The following COL25A1 variants were observed in gnomAD, a reference collection of about 807,000 sequenced individuals.
COL25A1 encodes collagen alpha-1(XXV) chain.
In COL25A1, 103 loss-of-function variants were observed where a neutral mutation model predicts 128.4. The observed-to-expected ratio is 0.80, with a 90% CI of 0.68 to 0.94. The LOEUF is 0.94. Among genes scored for constraint, COL25A1 ranks in the 40% least tolerant of loss-of-function variants. The pLI is 0.00. For missense variants in COL25A1, 745 were observed against 840.0 expected (o/e 0.89, Z 1.40); for synonymous variants, 279 against 277.2 (o/e 1.01, Z -0.06).
intron 31 of COL25A1, among the ~76,000 whole-genome samples, chr4:108,836,800 C>T (rs898334727): frequency 3.3e-5 from 5 of 152,126 alleles, no homozygotes; most frequent in African/African-American, 9.7e-5. Flanking sequence ...ATATTCTAGG[C>T]TGGGCTGGTG....
intron 37 of COL25A1, among the ~76,000 whole-genome samples, chr4:108,816,564 G>A (rs548308626): frequency 6.6e-6 from 1 of 152,190 alleles, no homozygotes; most frequent in East Asian, 1.9e-4. Flanking sequence ...GATATTCTCT[G>A]AATAGCACAG....
chr4:108,846,565 A>C (rs1012440447), intron 27 of COL25A1, among the ~76,000 whole-genome samples: 2 of 152,180 alleles, frequency 1.3e-5, no homozygotes, highest in African/African-American at 4.8e-5. Flanking sequence ...TCTCAACAAT[A>C]CAGGATGTAT....
At chr4:108,925,997 A>G (rs1202577371) in intron 11 of COL25A1, among the ~76,000 whole-genome samples, 1 of 152,236 alleles carries the variant, frequency 6.6e-6, no homozygotes, top group Non-Finnish European at 1.5e-5. Context: ...GTAGGCTGTT[A>G]AGAAAAGAAT....
chr4:109,188,756 T>G (rs1191651477), intron 3 of COL25A1, among the ~76,000 whole-genome samples: 1 of 151,960 alleles, frequency 6.6e-6, no homozygotes, highest in East Asian at 1.9e-4. Context: ...ATCAGAAGAA[T>G]GAGGAAACAT....
intron 26 of COL25A1, among the ~76,000 whole-genome samples, chr4:108,850,848 T>G (rs1735683302): frequency 1.3e-5 from 2 of 152,128 alleles, no homozygotes. Context: ...TAGGTTTTAG[T>G]GATACAGATT....
At chr4:109,287,223 T>C (rs1172141784) in intron 3 of COL25A1, among the ~76,000 whole-genome samples, 2 of 152,218 alleles carry the variant, frequency 1.3e-5, no homozygotes, top group Non-Finnish European at 2.9e-5. Flanking sequence ...ATTAATTCTA[T>C]TGCAGTCTTC....
chr4:108,989,093 G>A (rs1333673522), intron 6 of COL25A1, among the ~76,000 whole-genome samples: 1 of 152,164 alleles, frequency 6.6e-6, no homozygotes, highest in East Asian at 1.9e-4. Context: ...ACAAAGACTT[G>A]GTAGTTTTCT....
At chr4:108,914,453 G>C (rs1448564538) in intron 13 of COL25A1, among the ~76,000 whole-genome samples, 1 of 152,066 alleles carries the variant, frequency 6.6e-6, no homozygotes, top group Non-Finnish European at 1.5e-5. Flanking sequence ...TCTCTTTCTT[G>C]TATCTATAGC....
At chr4:109,250,140 A>G (rs1780549973) in intron 3 of COL25A1, among the ~76,000 whole-genome samples, 1 of 152,154 alleles carries the variant, frequency 6.6e-6, no homozygotes, top group Non-Finnish European at 1.5e-5. Context: ...CTGGGGTAAC[A>G]AATTTAAACT....
At chr4:109,176,925 C>T (rs994770755) in intron 3 of COL25A1, among the ~76,000 whole-genome samples, 4 of 152,140 alleles carry the variant, frequency 2.6e-5, no homozygotes, top group Non-Finnish European at 5.9e-5. Context: ...TCAGAAGGAA[C>T]ATGGTGCTGC....
intron 13 of COL25A1, among the ~76,000 whole-genome samples, chr4:108,905,111 C>T (rs755623846): frequency 2.0e-5 from 3 of 152,032 alleles, no homozygotes; most frequent in Non-Finnish European, 2.9e-5. Context: ...ACTTCAATCA[C>T]GATAGTCTTC....
At chr4:109,251,015 T>C (rs1171992355) in intron 3 of COL25A1, among the ~76,000 whole-genome samples, 1 of 152,234 alleles carries the variant, frequency 6.6e-6, no homozygotes, top group African/African-American at 2.4e-5. Flanking sequence ...TATGTTTATA[T>C]CTTTTTCTTG....
At chr4:109,008,491 A>G (rs1648016) in intron 6 of COL25A1, among the ~76,000 whole-genome samples, 77,705 of 152,032 alleles carry the variant, frequency 0.51, 22,604 homozygotes, top group African/African-American at 0.78. Flanking sequence ...ATTCTTAAGA[A>G]ATGCTTTGGG....
At chr4:108,899,746 G>A (rs576196503) in intron 14 of COL25A1, among the ~76,000 whole-genome samples, 1 of 152,136 alleles carries the variant, frequency 6.6e-6, no homozygotes, top group Non-Finnish European at 1.5e-5. Flanking sequence ...TCCAGATCAG[G>A]TCTATTTTAG....
chr4:109,119,893 C>T (rs1767961967), intron 3 of COL25A1, among the ~76,000 whole-genome samples: 1 of 151,970 alleles, frequency 6.6e-6, no homozygotes, highest in South Asian at 2.1e-4. Flanking sequence ...CAACAAAATA[C>T]TAGCAAATAA....
intron 5 of COL25A1, among the ~76,000 whole-genome samples, chr4:109,039,700 A>G (rs1759691721): frequency 1.3e-5 from 2 of 152,220 alleles, no homozygotes; most frequent in Non-Finnish European, 2.9e-5. Flanking sequence ...CTTATTTGCC[A>G]TTTATCCTCA....
chr4:109,258,433 T>A (rs76987224), intron 3 of COL25A1, among the ~76,000 whole-genome samples: 3,890 of 149,928 alleles, frequency 0.026, 168 homozygotes, highest in African/African-American at 0.089. Context: ...CCTCAGTATA[T>A]CATCTGTAAA....
At chr4:109,053,141 CAGAG>C (rs1271536747) in intron 3 of COL25A1, among the ~76,000 whole-genome samples, 1 of 152,070 alleles carries the variant, frequency 6.6e-6, no homozygotes, top group Non-Finnish European at 1.5e-5. Context: ...TTACAGAAAA[CAGAG>C]AGAGACGACA....
chr4:109,255,093 T>C (rs911622018), intron 3 of COL25A1, among the ~76,000 whole-genome samples: 8 of 152,166 alleles, frequency 5.3e-5, no homozygotes, highest in East Asian at 1.9e-4. Context: ...TAAAAATAAG[T>C]ATTCCGTTTG....
Sources: allele counts gnomAD v4.1 joint callset (sites outside exome capture counted in the v4.1 genomes callset), GRCh38; gene constraint gnomAD v4.1.1; transcripts MANE v1.5; gene names NCBI Gene and HGNC (gene_info 2026-07-23, HGNC 2026-07-21).